The following DTNB variants were observed in gnomAD, a reference collection of about 807,000 sequenced individuals.
DTNB encodes the protein DTN-B.
In DTNB, 63 loss-of-function variants were observed where a neutral mutation model predicts 90.7. The ratio of observed to expected loss-of-function variants is 0.69; its 90% confidence interval spans 0.57 to 0.86. The LOEUF (loss-of-function observed/expected upper bound fraction) is 0.86. Ranked by LOEUF, DTNB falls within the 40% of genes least tolerant of loss-of-function variation. The pLI, the probability that DTNB is intolerant of heterozygous loss-of-function variation, is 0.00. For synonymous variants in DTNB, 277 were observed against 286.7 expected (o/e 0.97, Z 0.34); for missense variants, 744 against 807.1 (o/e 0.92, Z 0.95).
At chr2:25,464,193 G>A (rs1389879930) in intron 10 of DTNB, among the ~76,000 whole-genome samples, 1 of 152,228 alleles carries the variant, frequency 6.6e-6, no homozygotes, top group East Asian at 1.9e-4. Flanking sequence ...ACAGGCATGA[G>A]CTATCGTGCC....
intron 9 of DTNB, among the ~76,000 whole-genome samples, chr2:25,517,225 T>C (rs1293175218): frequency 6.6e-6 from 1 of 152,246 alleles, no homozygotes; most frequent in African/African-American, 2.4e-5. Context: ...CGATTCTGTT[T>C]ATGTGTAATT....
In DTNB at chr2:25,419,597, A is replaced by G. The variant is rs1277328187; in HGVS notation, c.1555-62T>C. 3 of 1,541,404 alleles carry G rather than the reference A, an allele frequency of 1.9e-6. No individual in the cohort carries two copies. The Admixed American group carries it at 6.0e-5, about 31-fold the overall frequency. ...AAAAGGAGAGAAATTAATGCCCATT[A>G]ATGCCCATCACCACAAACATTGGTC... is the stretch of plus-strand genomic sequence containing the variant. On this transcript the variant is annotated intron_variant, in intron 15 of 20. Coordinates refer to ENST00000406818, the MANE Select transcript of DTNB (RefSeq NM_021907.5).
intron 16 of DTNB, among the ~76,000 whole-genome samples, chr2:25,406,670 C>T (rs1380564692): frequency 6.6e-6 from 1 of 152,188 alleles, no homozygotes; most frequent in East Asian, 1.9e-4. Flanking sequence ...AGTTAACTGG[C>T]CCCGAATGTC....
At chr2:25,575,243 C>CAA (rs962235111) in intron 8 of DTNB, among the ~76,000 whole-genome samples, 22 of 139,766 alleles carry the variant, frequency 1.6e-4, no homozygotes, top group African/African-American at 3.0e-4. Flanking sequence ...CACACACACA[C>CAA]AAAAAAAAAA....
At chr2:25,487,820 C>G (rs542777590) in intron 9 of DTNB, among the ~76,000 whole-genome samples, 3 of 152,098 alleles carry the variant, frequency 2.0e-5, no homozygotes, top group African/African-American at 7.2e-5. Flanking sequence ...TAGCTGGAAA[C>G]GCATGTGGAA....
chr2:25,621,524 G>A (rs1005756888), intron 4 of DTNB, among the ~76,000 whole-genome samples: 2 of 146,138 alleles, frequency 1.4e-5, no homozygotes, highest in Non-Finnish European at 3.0e-5. Context: ...TCAGCTCACC[G>A]CAACTTCCGC....
chr2:25,618,994 T>C (rs2071627733), intron 4 of DTNB, among the ~76,000 whole-genome samples: 1 of 152,222 alleles, frequency 6.6e-6, no homozygotes, highest in South Asian at 2.1e-4. Flanking sequence ...CTGAAGCCTC[T>C]GAAGTCCCCA....
intron 7 of DTNB, among the ~76,000 whole-genome samples, chr2:25,580,188 G>A (rs938237799): frequency 3.9e-5 from 6 of 152,014 alleles, no homozygotes; most frequent in South Asian, 2.1e-4. Flanking sequence ...TGCCATGTTT[G>A]CCAGGCTGGC....
chr2:25,487,110 T>C (rs1392619419), intron 9 of DTNB, among the ~76,000 whole-genome samples: 1 of 152,222 alleles, frequency 6.6e-6, no homozygotes, highest in Non-Finnish European at 1.5e-5. Context: ...AGGGAAAGCA[T>C]CACTGTTACT....
At chr2:25,543,191 T>C (rs1268326772) in intron 8 of DTNB, among the ~76,000 whole-genome samples, 5 of 152,214 alleles carry the variant, frequency 3.3e-5, no homozygotes, top group African/African-American at 1.2e-4. Flanking sequence ...AACAAATTTG[T>C]TTTGATTAGT....
At chr2:25,542,824 T>C (rs1051534536) in intron 8 of DTNB, among the ~76,000 whole-genome samples, 1 of 152,214 alleles carries the variant, frequency 6.6e-6, no homozygotes, top group Non-Finnish European at 1.5e-5. Flanking sequence ...TCTTATCTTT[T>C]TATCCTTGAT....
chr2:25,598,442 C>T (rs770724068), intron 5 of DTNB, among the ~76,000 whole-genome samples: 18 of 152,108 alleles, frequency 1.2e-4, no homozygotes, highest in Non-Finnish European at 1.8e-4. Context: ...ACTGTTATTC[C>T]GGGTTTTTGC....
At chr2:25,486,198 C>T (rs1397604995) in intron 9 of DTNB, among the ~76,000 whole-genome samples, 1 of 152,078 alleles carries the variant, frequency 6.6e-6, no homozygotes, top group East Asian at 1.9e-4. Context: ...CACAGTGGCT[C>T]ACGTCTATAA....
At chr2:25,534,837 C>CT (rs1251626763) in intron 8 of DTNB, among the ~76,000 whole-genome samples, 5 of 138,842 alleles carry the variant, frequency 3.6e-5, no homozygotes, top group Middle Eastern at 5.4e-3. Flanking sequence ...GGCAGAGGTG[C>CT]CCTCCACTTC....
chr2:25,658,757 T>G (rs1219251578), intron 1 of DTNB, among the ~76,000 whole-genome samples: 2 of 152,108 alleles, frequency 1.3e-5, no homozygotes. Flanking sequence ...TGCCAGAGTT[T>G]GGGGAAAGCA....
At chr2:25,542,372 G>A (rs998269975) in intron 8 of DTNB, among the ~76,000 whole-genome samples, 1 of 152,210 alleles carries the variant, frequency 6.6e-6, no homozygotes, top group Non-Finnish European at 1.5e-5. Flanking sequence ...AATAAAACCA[G>A]TGTGGTCATG....
intron 7 of DTNB, 111 bp from the exon 8 acceptor site, chr2:25,577,115 C>A: frequency 8.4e-7 from 1 of 1,185,356 alleles, no homozygotes. Flanking sequence ...AGAGGAATAC[C>A]AAAACTAATA....
intron 8 of DTNB, among the ~76,000 whole-genome samples, chr2:25,532,681 C>G (rs890115579): frequency 1.4e-4 from 22 of 152,170 alleles, no homozygotes; most frequent in African/African-American, 4.8e-4. Context: ...CCACCCAATT[C>G]CCCTAAAATA....
At chr2:25,498,172 CA>C (rs2069454149) in intron 9 of DTNB, among the ~76,000 whole-genome samples, 1 of 152,132 alleles carries the variant, frequency 6.6e-6, no homozygotes, top group African/African-American at 2.4e-5. Flanking sequence ...AACAAAATGA[CA>C]AAAACTACAC....
Sources: allele counts gnomAD v4.1 joint callset (sites outside exome capture counted in the v4.1 genomes callset), GRCh38; gene constraint gnomAD v4.1.1; transcripts MANE v1.5; gene names NCBI Gene and HGNC (gene_info 2026-07-23, HGNC 2026-07-21).